CRACDL: variants seen among roughly 807,000 people sequenced by gnomAD.
The protein encoded by CRACDL is CRACD-like protein.
A neutral mutation model predicts 70.6 loss-of-function variants in CRACDL; 26 were observed. The observed-to-expected ratio is 0.37, with a 90% CI of 0.27 to 0.51. The LOEUF is 0.51. CRACDL is among the 20% of genes least tolerant of loss of function. The probability of loss-of-function intolerance (pLI) is 0.94; values close to 1 mark genes in which losing one functional copy is unlikely to be tolerated. For synonymous variants in CRACDL, 618 were observed against 615.2 expected (o/e 1.00, Z -0.07); for missense variants, 1,283 against 1,376.9 (o/e 0.93, Z 1.08).
chr2:98,877,154 C>T (rs1707506740), intron 1 of CRACDL, among the ~76,000 whole-genome samples: 1 of 152,216 alleles, frequency 6.6e-6, no homozygotes, highest in African/African-American at 2.4e-5. Context: ...CTTGCTGCCT[C>T]TATTGGTAGA....
intron 7 of CRACDL, among the ~76,000 whole-genome samples, chr2:98,815,193 C>T (rs955286963): frequency 6.6e-6 from 1 of 152,120 alleles, no homozygotes; most frequent in Non-Finnish European, 1.5e-5. Flanking sequence ...TGTTGATTGC[C>T]TTTTTCCTCG....
At chr2:98,830,789 G>T (rs1035343124) in intron 5 of CRACDL, among the ~76,000 whole-genome samples, 11 of 152,138 alleles carry the variant, frequency 7.2e-5, no homozygotes, top group Non-Finnish European at 1.5e-4. Flanking sequence ...GTGTCACATG[G>T]GTTTGGAGAT....
At chr2:98,863,695 T>C (rs1280984264) in intron 1 of CRACDL, among the ~76,000 whole-genome samples, 4 of 152,264 alleles carry the variant, frequency 2.6e-5, no homozygotes, top group Non-Finnish European at 5.9e-5. Flanking sequence ...CTTGCAATGC[T>C]GGGCAGTGGC....
intron 1 of CRACDL, among the ~76,000 whole-genome samples, chr2:98,912,044 A>G (rs1274045468): frequency 6.6e-6 from 1 of 152,098 alleles, no homozygotes; most frequent in Non-Finnish European, 1.5e-5. Context: ...CCTGGGAGGC[A>G]CAAAACCCAC....
At chr2:98,933,756 A>G (rs1709142042) in intron 1 of CRACDL, among the ~76,000 whole-genome samples, 1 of 152,154 alleles carries the variant, frequency 6.6e-6, no homozygotes, top group Non-Finnish European at 1.5e-5. Flanking sequence ...TGGTACCTTC[A>G]CATCTATTCT....
chr2:98,806,615 A>T (rs1704307243), intron 7 of CRACDL, among the ~76,000 whole-genome samples: 1 of 152,246 alleles, frequency 6.6e-6, no homozygotes, highest in Admixed American at 6.5e-5. Context: ...TCTCGGCAGG[A>T]GGCAATGACC....
chr2:98,799,089 G>A (rs1163486607), intron 7 of CRACDL, among the ~76,000 whole-genome samples: 1 of 152,144 alleles, frequency 6.6e-6, no homozygotes, highest in Non-Finnish European at 1.5e-5. Context: ...GGCTGAAACT[G>A]ATCTCCAACC....
At chr2:98,865,631 T>G (rs1201020626) in intron 1 of CRACDL, among the ~76,000 whole-genome samples, 1 of 152,064 alleles carries the variant, frequency 6.6e-6, no homozygotes, top group Non-Finnish European at 1.5e-5. Context: ...CTTGCAGAGT[T>G]CCTGTGAGAA....
rs181899850 is a variant in CRACDL at position 98,862,170 on chromosome 2, C to A, written c.-10-15360G>T. On this transcript the variant is annotated intron_variant, in intron 1 of 9. Transcript: ENST00000397899. ...GAGATTAGAAAGTCACCATGCATGC[C>A]TGCAAAAAGGCTCAGTCTCAGGAAA... Among the ~76,000 whole-genome samples the A allele has an allele frequency of 1.6e-4, 24 of 152,248 alleles. No homozygotes were observed. In the East Asian group the frequency reaches 4.2e-3, roughly 27 times the overall value.
At chr2:98,814,999 C>T (rs1704724863) in intron 7 of CRACDL, among the ~76,000 whole-genome samples, 1 of 151,938 alleles carries the variant, frequency 6.6e-6, no homozygotes, top group Admixed American at 6.6e-5. Context: ...AATATATAGC[C>T]ACTCCAGCTT....
chr2:98,865,896 G>A (rs946306742), intron 1 of CRACDL, among the ~76,000 whole-genome samples: 4 of 151,230 alleles, frequency 2.6e-5, no homozygotes, highest in Non-Finnish European at 5.9e-5. Context: ...TGTCTCCTGG[G>A]TTCAAGTGAT....
At chr2:98,816,708 G>A (rs898354465) in intron 7 of CRACDL, among the ~76,000 whole-genome samples, 4 of 152,230 alleles carry the variant, frequency 2.6e-5, no homozygotes, top group African/African-American at 7.2e-5. Flanking sequence ...ACACATGGTT[G>A]AGGAGCAGAG....
intron 3 of CRACDL, among the ~76,000 whole-genome samples, chr2:98,834,613 A>C (rs942094842): frequency 3.3e-5 from 5 of 152,226 alleles, no homozygotes; most frequent in African/African-American, 1.2e-4. Context: ...CTTTGGGGGA[A>C]AGAAATAACT....
chr2:98,822,091 ACTTCTCCTC>A lies in CRACDL; in HGVS notation c.2173_2181del (p.Glu725_Lys727del). The A allele has an allele frequency of 6.4e-7, 1 of 1,562,916 alleles. No individual in the cohort carries two copies. Among genetic ancestry groups the A allele is most frequent in the Non-Finnish European group, 8.7e-7 (1 of 1,153,482 alleles). Reference sequence around the variant, plus strand: ...AGGGCGGGGGCCGTCCCGAGGGGACACTTCTCCTCCTTCGGGAGCACGGTCAGCGACCTT... The same window carrying A: ...AGGGCGGGGGCCGTCCCGAGGGGACACTTCGGGAGCACGGTCAGCGACCTT... On this transcript the variant is annotated inframe_deletion, in exon 7 of 10. Coordinates refer to ENST00000397899, the MANE Select transcript of CRACDL (RefSeq NM_207362.3). The surrounding 1 kb of genome is among the most constrained non-coding windows in gnomAD (Gnocchi z 4.9).
At chr2:98,886,331 C>T (rs540391492) in intron 1 of CRACDL, among the ~76,000 whole-genome samples, 10 of 152,304 alleles carry the variant, frequency 6.6e-5, no homozygotes, top group African/African-American at 9.6e-5. Context: ...AGACAATTAC[C>T]GGCAAATATT....
At chr2:98,931,047 G>A (rs958543448) in intron 1 of CRACDL, among the ~76,000 whole-genome samples, 1 of 152,174 alleles carries the variant, frequency 6.6e-6, no homozygotes, top group African/African-American at 2.4e-5. Flanking sequence ...AGCCTGGGCT[G>A]GGCATGGTGG....
At chr2:98,891,831 T>C (rs1046117119) in intron 1 of CRACDL, among the ~76,000 whole-genome samples, 1 of 152,204 alleles carries the variant, frequency 6.6e-6, no homozygotes, top group Non-Finnish European at 1.5e-5. Flanking sequence ...ATATAACATA[T>C]ACAATAAAGG....
rs748527004 is a variant in CRACDL, at chr2:98,822,094, TCTC to T, written c.2176_2178del (p.Glu726del). On this transcript the variant is annotated inframe_deletion, in exon 7 of 10. Coordinates refer to ENST00000397899, the MANE Select transcript of CRACDL (RefSeq NM_207362.3). The surrounding 1 kb of genome is among the most constrained non-coding windows in gnomAD (Gnocchi z 4.9). ...GCGGGGGCCGTCCCGAGGGGACACT[TCTC>T]CTCCTTCGGGAGCACGGTCAGCGAC... 57 of 1,564,284 alleles carry T rather than the reference TCTC, an allele frequency of 3.6e-5. No homozygotes were observed. The highest frequency in any genetic ancestry group is 9.4e-5 in the South Asian group (8 of 85,272).
chr2:98,925,127 A>G (rs1708883140), intron 1 of CRACDL, among the ~76,000 whole-genome samples: 1 of 152,112 alleles, frequency 6.6e-6, no homozygotes, highest in Non-Finnish European at 1.5e-5. Context: ...GCAAGAGGGA[A>G]GGAGGAGGGA....
Sources: allele counts gnomAD v4.1 joint callset (sites outside exome capture counted in the v4.1 genomes callset), GRCh38; gene constraint gnomAD v4.1.1; non-coding constraint Gnocchi (gnomAD v3.1); transcripts MANE v1.5; gene names NCBI Gene and HGNC (gene_info 2026-07-23, HGNC 2026-07-21).